The following RTN3 variants were observed in gnomAD, a reference collection of about 807,000 sequenced individuals.
RTN3 encodes reticulon 3, also known as reticulon-3.
Under a neutral mutation model 77.8 loss-of-function variants are expected in RTN3, and 49 were observed. That is an observed-to-expected ratio of 0.63 (90% CI 0.50 to 0.80). The LOEUF (loss-of-function observed/expected upper bound fraction) is 0.80. RTN3 is among the 30% of genes least tolerant of loss of function. The pLI, the probability that RTN3 is intolerant of heterozygous loss-of-function variation, is 0.00. For synonymous variants in RTN3, 464 were observed against 446.9 expected, an observed-to-expected ratio of 1.04 and a Z score of -0.48; for missense variants, 1,236 against 1,211.9, an observed-to-expected ratio of 1.02 and a Z score of -0.29.
chr11:63,755,605 C>G (rs1201337359), intron 7 of RTN3, among the ~76,000 whole-genome samples: 3 of 103,568 alleles, frequency 2.9e-5, no homozygotes, highest in Admixed American at 1.1e-4. Flanking sequence ...GAGCCGAGAT[C>G]ACACCATTGC....
Position 63,699,207 on chromosome 11 carries a change from A to G in RTN3, c.143-5644A>G, listed in dbSNP as rs190105508. ...TCCCAGCTACTCAGCAGGCTGAGGC[A>G]TGAGAATCACTTGAACCTGGGAGGC... On this transcript the variant is annotated intron_variant, in intron 1 of 8. Coordinates refer to ENST00000377819, the MANE Select transcript of RTN3 (RefSeq NM_001265589.2). Among the ~76,000 whole-genome samples, 541 of 152,174 alleles carry G rather than the reference A, an allele frequency of 3.6e-3. 3 individuals are homozygous for G. The highest frequency in any genetic ancestry group is 6.4e-3 in the Non-Finnish European group (435 of 68,006).
At chr11:63,703,618 C>CT (rs929141704) in intron 1 of RTN3, among the ~76,000 whole-genome samples, 1 of 151,264 alleles carries the variant, frequency 6.6e-6, no homozygotes, top group Non-Finnish European at 1.5e-5. Flanking sequence ...TCTCGGCTCA[C>CT]TGCAAGCTCC....
At chr11:63,750,892 C>G (rs545855464) in intron 4 of RTN3, among the ~76,000 whole-genome samples, 1 of 152,000 alleles carries the variant, frequency 6.6e-6, no homozygotes, top group Non-Finnish European at 1.5e-5. Context: ...CCATCACGCC[C>G]GGCTAATTTT....
intron 3 of RTN3, among the ~76,000 whole-genome samples, chr11:63,744,239 T>TAA (rs2013662269): frequency 1.1e-3 from 1 of 912 alleles, no homozygotes; most frequent in Non-Finnish European, 2.6e-3. Flanking sequence ...AGACTCTGTC[T>TAA]CAAAAAAAAA....
intron 3 of RTN3, among the ~76,000 whole-genome samples, chr11:63,729,010 A>G (rs1002248533): frequency 8.5e-5 from 13 of 152,192 alleles, no homozygotes; most frequent in East Asian, 3.9e-4. Context: ...GCAGTAGAGT[A>G]ACATCTTATA....
chr11:63,752,490 AT>A lies in RTN3; in HGVS notation c.2739-14del. 1 of 1,609,678 alleles carries A rather than the reference AT, an allele frequency of 6.2e-7. No individual in the cohort carries two copies. Among genetic ancestry groups the A allele is most frequent in the Non-Finnish European group, 8.5e-7 (1 of 1,176,720 alleles). Reference sequence around the variant, plus strand: ...CTTCCATGTCAAATGTATGACTGTTATTTCTTCTTCTGGAAGAGCCTACCTG... The same window carrying A: ...CTTCCATGTCAAATGTATGACTGTTATTCTTCTTCTGGAAGAGCCTACCTG... On this transcript the variant is annotated splice_polypyrimidine_tract_variant and intron_variant, in intron 4 of 8. Transcript: ENST00000377819.
intron 3 of RTN3, among the ~76,000 whole-genome samples, chr11:63,734,531 G>A (rs1244403783): frequency 6.6e-6 from 1 of 151,980 alleles, no homozygotes; most frequent in Non-Finnish European, 1.5e-5. Context: ...GAGGTCAGGA[G>A]TTTGAGACCA....
In RTN3 at chr11:63,752,462, C is replaced by T. The variant is rs1554963758; in HGVS notation, c.2739-45C>T. 54 of 1,587,598 alleles carry T rather than the reference C, an allele frequency of 3.4e-5. 2 individuals carry two copies. In the South Asian group the frequency reaches 5.9e-4, roughly 17 times the overall value. On this transcript the variant is annotated intron_variant, in intron 4 of 8. Transcript: ENST00000377819. ...TCAGTAACTACTGTGCTAACAAAAT[C>T]TTCTTCCATGTCAAATGTATGACTG...
chr11:63,726,313 A>G (rs1248327931), intron 3 of RTN3, among the ~76,000 whole-genome samples: 1 of 152,192 alleles, frequency 6.6e-6, no homozygotes, highest in Non-Finnish European at 1.5e-5. Context: ...TACTGCTTTT[A>G]GCTAGAGGAC....
At chr11:63,703,409 T>C (rs1590804249) in intron 1 of RTN3, among the ~76,000 whole-genome samples, 1 of 152,178 alleles carries the variant, frequency 6.6e-6, no homozygotes, top group East Asian at 1.9e-4. Flanking sequence ...AAAATAACTT[T>C]AGGGGCCGTG....
rs771619867 is a variant in RTN3, at chr11:63,704,893, T to G, written c.185T>G (p.Phe62Cys). 6.2e-7 allele frequency: 1 copy of G among 1,611,796 alleles called. No individual in the cohort carries two copies. The highest frequency in any genetic ancestry group is 2.2e-5 in the East Asian group (1 of 44,854). Reference sequence around the variant, plus strand: ...TCTTCCTCTCAGCCTGTATCTCTATTTTCGACCTCACAAGGCAAGTCTGTA... The same window carrying G: ...TCTTCCTCTCAGCCTGTATCTCTATGTTCGACCTCACAAGGCAAGTCTGTA... ...SSSSSQPVSLFSTSQEGLSSL... is the reference protein window; with the variant it reads ...SSSSSQPVSLCSTSQEGLSSL... The change falls in exon 2 of 9, where the codon TTT becomes TGT. Residue 62 changes from phenylalanine (F) to cysteine (C), a missense_variant. Around this residue, in one of 3 missense-constraint regions of RTN3, gnomAD observed 1,056 missense variants for 990.4 expected, o/e 1.07. Transcript: ENST00000377819.
intron 8 of RTN3, among the ~76,000 whole-genome samples, chr11:63,757,324 TTTTTTTC>T (rs972513494): frequency 7.2e-5 from 11 of 152,250 alleles, no homozygotes; most frequent in Non-Finnish European, 1.6e-4. Context: ...AGGACAGTAT[TTTTTTTC>T]TTTTTTCTTT....
chr11:63,715,257 G>A (rs574033886), intron 2 of RTN3, among the ~76,000 whole-genome samples: 2 of 152,174 alleles, frequency 1.3e-5, no homozygotes, highest in Admixed American at 6.5e-5. Context: ...TGTCTGACAC[G>A]TGGTAGGCAC....
At chr11:63,717,293 A>G (rs1193414699) in intron 2 of RTN3, among the ~76,000 whole-genome samples, 1 of 150,488 alleles carries the variant, frequency 6.6e-6, no homozygotes, top group East Asian at 2.0e-4. Context: ...GATGGCTACT[A>G]TGGTATTAAC....
At chr11:63,685,934 C>T (rs762659469) in intron 1 of RTN3, among the ~76,000 whole-genome samples, 12 of 152,154 alleles carry the variant, frequency 7.9e-5, no homozygotes, top group Non-Finnish European at 1.6e-4. Flanking sequence ...GGTTCTAATG[C>T]AGCCAGCAAT....
At chr11:63,704,778 C>T in intron 1 of RTN3, 73 bp from the exon 2 acceptor site, 1 of 1,063,034 alleles carries the variant, frequency 9.4e-7, no homozygotes, top group Non-Finnish European at 1.5e-6. Context: ...TCTTCCTCCC[C>T]ATCAAAAAGA....
chr11:63,746,670 A>G (rs1023537032), intron 3 of RTN3, among the ~76,000 whole-genome samples: 4 of 151,706 alleles, frequency 2.6e-5, no homozygotes, highest in Non-Finnish European at 1.5e-5. Flanking sequence ...ACCCGCCACC[A>G]CGCCCAGCTA....
At chr11:63,704,732 C>T in intron 1 of RTN3, 119 bp from the exon 2 acceptor site, 3 of 645,702 alleles carry the variant, frequency 4.6e-6, no homozygotes, top group South Asian at 4.6e-5. Flanking sequence ...TTGAGTTTTC[C>T]TCCTTGTTAA....
chr11:63,702,336 A>G (rs1942279286), intron 1 of RTN3, among the ~76,000 whole-genome samples: 1 of 145,868 alleles, frequency 6.9e-6, no homozygotes, highest in East Asian at 2.0e-4. Context: ...TTTTTTTGAG[A>G]CAGAGTCTCG....
Sources: gnomAD v4.1 joint callset for allele counts (sites outside exome capture counted in the v4.1 genomes callset) on GRCh38, gnomAD v4.1.1 for gene constraint, gnomAD v4.1.1 regional missense constraint, MANE v1.5 for transcripts, NCBI Gene and HGNC (gene_info 2026-07-23, HGNC 2026-07-21) for gene names.